VAMP4: variants seen among roughly 807,000 people sequenced by gnomAD.
VAMP4 encodes the protein vesicle associated membrane protein 4.
Under a neutral mutation model 23.5 loss-of-function variants are expected in VAMP4, and 19 were observed. The ratio of observed to expected loss-of-function variants is 0.81; its 90% CI spans 0.56 to 1.19. The LOEUF is 1.19. VAMP4 is among the 50% of genes most tolerant of loss of function. VAMP4 has a pLI of 0.00. For missense variants in VAMP4, 145 were observed against 168.6 expected, an observed-to-expected ratio of 0.86 and a Z score of 0.78; for synonymous variants, 31 against 51.0, an observed-to-expected ratio of 0.61 and a Z score of 1.67.
At position 171,732,363 on chromosome 1, in the gene VAMP4, A is replaced by G. The variant is rs1170034130; in HGVS notation, c.67-3793T>C. On this transcript the variant is annotated intron_variant, in intron 2 of 7. Transcript: ENST00000236192. Reference sequence around the variant, plus strand: ...TAGCAAGACCGTGTCTCTATGGGAAAAAAAAAAAAAAAAAAAAAATTTAAT... The same window carrying G: ...TAGCAAGACCGTGTCTCTATGGGAAGAAAAAAAAAAAAAAAAAAATTTAAT... Among the ~76,000 whole-genome samples the G allele has an allele frequency of 2.1e-3, 166 of 78,468 alleles. 1 individual carries two copies. Among genetic ancestry groups the G allele is most frequent in the African/African-American group, 7.8e-3 (152 of 19,410 alleles). 51.5% of individuals were successfully genotyped at this position (78,468 alleles called of 152,430 possible).
In VAMP4 at chr1:171,714,400, G is replaced by T. The variant is rs1654960454; in HGVS notation, c.165-3586C>A. Among the ~76,000 whole-genome samples the T allele has an allele frequency of 2.0e-5, 3 of 152,184 alleles. 1 individual carries two copies. The South Asian group carries it at 6.2e-4, about 32-fold the overall frequency. On this transcript the variant is annotated intron_variant, in intron 4 of 7. Transcript: ENST00000236192. Reference sequence around the variant, plus strand: ...TATTCTTTAATTTCCCAGGTCAAGTGAAATGTGGCTGGTACAAAGTAAGCA... The same window carrying T: ...TATTCTTTAATTTCCCAGGTCAAGTTAAATGTGGCTGGTACAAAGTAAGCA...
In VAMP4 at chr1:171,702,009, G is replaced by A. The variant is rs540818959; in HGVS notation, c.*2497C>T. The A allele has an allele frequency of 2.0e-5, 3 of 152,112 alleles. No homozygotes were observed. In the East Asian group the frequency reaches 5.8e-4, roughly 29 times the overall value. The allele number at this position is 152,112 out of a possible 1,614,324, so 9.4% of individuals were successfully genotyped here. On this transcript the variant is annotated 3_prime_UTR_variant, in exon 8 of 8. Coordinates refer to ENST00000236192, the MANE Select transcript of VAMP4 (RefSeq NM_003762.5). The stretch of plus-strand genomic sequence containing the variant: ...GCAAAGCTACTTGAATTTTTCTGTT[G>A]ATCTTCACTTGTTGTTAAATAATGA...
intron 4 of VAMP4, 75 bp downstream of exon 4, chr1:171,719,096 T>A: frequency 1.5e-6 from 2 of 1,350,994 alleles, no homozygotes; most frequent in Non-Finnish European, 2.1e-6. Flanking sequence ...CAGATTTGGC[T>A]CACAGGCTGC....
At chr1:171,731,887 C>T (rs982493867) in intron 2 of VAMP4, among the ~76,000 whole-genome samples, 1 of 152,064 alleles carries the variant, frequency 6.6e-6, no homozygotes, top group Non-Finnish European at 1.5e-5. Flanking sequence ...ATTAAACAAT[C>T]AAATAAGATG....
At chr1:171,729,551 T>C (rs190058642) in intron 2 of VAMP4, among the ~76,000 whole-genome samples, 22 of 152,338 alleles carry the variant, frequency 1.4e-4, no homozygotes, top group African/African-American at 5.1e-4. Flanking sequence ...AAGTTTCAGA[T>C]TTGGGAGCAT....
intron 3 of VAMP4, among the ~76,000 whole-genome samples, chr1:171,728,218 G>T (rs1020721427): frequency 6.6e-6 from 1 of 152,122 alleles, no homozygotes; most frequent in Non-Finnish European, 1.5e-5. Flanking sequence ...CCTTTGTCCT[G>T]CATATCCACA....
At position 171,704,371 on chromosome 1, in the gene VAMP4, T is replaced by G; in HGVS notation, c.*135A>C. ...AATTGGACATTCTCAACGTTCCAAT[T>G]TGAAGTGATACTTGCCTCTTAGTTT... is the stretch of plus-strand genomic sequence containing the variant. On this transcript the variant is annotated 3_prime_UTR_variant, in exon 8 of 8. Transcript: ENST00000236192. 1 of 539,104 alleles carries G rather than the reference T, an allele frequency of 1.9e-6. No homozygotes were observed. Among genetic ancestry groups the G allele is most frequent in the Non-Finnish European group, 3.0e-6 (1 of 336,820 alleles). 33.4% of individuals were successfully genotyped at this position (539,104 alleles called of 1,614,324 possible). A position where few individuals can be genotyped will look rare whatever the true frequency, so the allele number is the denominator to read the frequency against.
rs573994249 is a variant in VAMP4, at chr1:171,726,224, G to T, written c.113+2300C>A. 1.5e-4 allele frequency among the ~76,000 whole-genome samples: 22 copies of T among 150,962 alleles called. No individual in the cohort carries two copies. In the East Asian group the frequency reaches 4.4e-3, roughly 30 times the overall value. Reference sequence around the variant, plus strand: ...GTGCCACCATGCCTGGCTAATTTTTGTATTTTTAGTGGAGACGGGGTTTCA... The same window carrying T: ...GTGCCACCATGCCTGGCTAATTTTTTTATTTTTAGTGGAGACGGGGTTTCA... On this transcript the variant is annotated intron_variant, in intron 3 of 7. Transcript: ENST00000236192.
chr1:171,707,224 CT>C (rs1654688515), intron 6 of VAMP4, among the ~76,000 whole-genome samples: 2 of 152,198 alleles, frequency 1.3e-5, no homozygotes. Flanking sequence ...TAGCGATTCT[CT>C]TTCCCCACCT....
At chr1:171,712,371 TGAGCTAGTTCTTCAAA>T (rs1388356698) in intron 4 of VAMP4, among the ~76,000 whole-genome samples, 2 of 152,154 alleles carry the variant, frequency 1.3e-5, no homozygotes, top group African/African-American at 4.8e-5. Flanking sequence ...TTCCGATCAC[TGAGCTAGTTCTTCAAA>T]AAGTTTGCTA....
chr1:171,704,713 A>G (rs1558104450), intron 7 of VAMP4, among the ~76,000 whole-genome samples, 179 bp from the exon 8 acceptor site: 1 of 152,040 alleles, frequency 6.6e-6, no homozygotes, highest in East Asian at 1.9e-4. Context: ...ATATCATAAA[A>G]CAACCTAAAT....
chr1:171,714,391 AG>A (rs561023426), intron 4 of VAMP4, among the ~76,000 whole-genome samples: 41 of 152,320 alleles, frequency 2.7e-4, no homozygotes, highest in Non-Finnish European at 3.8e-4. Context: ...TTAATTTCCC[AG>A]GTCAAGTGAA....
At chr1:171,739,756 G>C (rs1323814100) in intron 1 of VAMP4, among the ~76,000 whole-genome samples, 1 of 152,216 alleles carries the variant, frequency 6.6e-6, no homozygotes, top group Non-Finnish European at 1.5e-5. Context: ...GGTCTGTGTT[G>C]AGAGAGAATA....
At chr1:171,741,466 G>A (rs571459898) in intron 1 of VAMP4, among the ~76,000 whole-genome samples, 1 of 136,062 alleles carries the variant, frequency 7.3e-6, no homozygotes, top group African/African-American at 2.8e-5. Flanking sequence ...TCTTTCCCCC[G>A]GGCCCTTTAA....
chr1:171,726,396 G>T (rs1203231903), intron 3 of VAMP4, among the ~76,000 whole-genome samples: 1 of 152,106 alleles, frequency 6.6e-6, no homozygotes, highest in East Asian at 1.9e-4. Flanking sequence ...TTCCTCTCAG[G>T]CATATAACCT....
chr1:171,702,017 C>A lies in VAMP4; in HGVS notation c.*2489G>T, dbSNP rs190549485. The A allele has an allele frequency of 3.3e-5, 5 of 152,092 alleles. No homozygotes were observed. Among genetic ancestry groups the A allele is most frequent in the African/African-American group, 1.2e-4 (5 of 41,516 alleles). The allele number at this position is 152,092 out of a possible 1,614,324, so 9.4% of individuals were successfully genotyped here. A position where few individuals can be genotyped will look rare whatever the true frequency, so the allele number is the denominator to read the frequency against. On this transcript the variant is annotated 3_prime_UTR_variant, in exon 8 of 8. Coordinates refer to ENST00000236192, the MANE Select transcript of VAMP4 (RefSeq NM_003762.5). ...ACTTGAATTTTTCTGTTGATCTTCA[C>A]TTGTTGTTAAATAATGATAGTTTTG...
In VAMP4 at chr1:171,721,958, G is replaced by A. The variant is rs145054721; in HGVS notation, c.114-2737C>T. 7.1e-3 allele frequency among the ~76,000 whole-genome samples: 1,083 copies of A among 152,250 alleles called. 14 individuals are homozygous for A. The highest frequency in any genetic ancestry group is 0.025 in the African/African-American group (1,034 of 41,546). ...GCCCACATTGCCAAGACAATCCTAA[G>A]CCAAAAGAACAAAGTTGGAGGCGTC... is the stretch of plus-strand genomic sequence containing the variant. On this transcript the variant is annotated intron_variant, in intron 3 of 7. Transcript: ENST00000236192.
rs146080595 is a variant in VAMP4 at position 171,718,924 on chromosome 1, C to T, written c.164+247G>A. Among the ~76,000 whole-genome samples, 14 of 152,288 alleles carry T rather than the reference C, an allele frequency of 9.2e-5. No individual in the cohort carries two copies. In the East Asian group the frequency reaches 2.7e-3, roughly 29 times the overall value. On this transcript the variant is annotated intron_variant, in intron 4 of 7. Coordinates refer to ENST00000236192, the MANE Select transcript of VAMP4 (RefSeq NM_003762.5). ...AACTTTTTCTGTAAAGGACCAGACA[C>T]TCAGCAGATATTTTAGATTTTGTGG...
rs1047870524 is a variant in VAMP4, at chr1:171,704,279, T to C, written c.*227A>G. ...ATTAGATCCTTGAAATATGGAAAAA[T>C]AGAGGCTAGTTCTCTTTGCCTTAAA... On this transcript the variant is annotated 3_prime_UTR_variant, in exon 8 of 8. Coordinates refer to ENST00000236192, the MANE Select transcript of VAMP4 (RefSeq NM_003762.5). The C allele has an allele frequency of 1.2e-5, 4 of 323,178 alleles. No individual in the cohort carries two copies. The highest frequency in any genetic ancestry group is 7.3e-4 in the Middle Eastern group (1 of 1,362). 20.0% of individuals were successfully genotyped at this position (323,178 alleles called of 1,614,324 possible).
Sources: gnomAD v4.1 joint callset for allele counts (sites outside exome capture counted in the v4.1 genomes callset) on GRCh38, gnomAD v4.1.1 for gene constraint, MANE v1.5 for transcripts, NCBI Gene and HGNC (gene_info 2026-07-23, HGNC 2026-07-21) for gene names.